The following SESTD1 variants were observed in gnomAD, a reference collection of about 807,000 sequenced individuals.
SESTD1 encodes the protein SEC14 and spectrin domain containing 1, also known as SEC14 domain and spectrin repeat-containing protein 1.
SESTD1 carries 43 observed loss-of-function variants against 101.7 expected under a neutral mutation model. That is an observed-to-expected ratio of 0.42 (90% confidence interval 0.33 to 0.55). The LOEUF (loss-of-function observed/expected upper bound fraction) is 0.55, where lower values mean the gene tolerates loss of function less well. Ranked by LOEUF, SESTD1 falls within the 20% of genes least tolerant of loss-of-function variation. The probability of loss-of-function intolerance (pLI) is 0.07; values close to 1 mark genes in which losing one functional copy is unlikely to be tolerated. For missense variants in SESTD1, 647 were observed against 815.1 expected (o/e 0.79, Z 2.51); for synonymous variants, 283 against 286.8 (o/e 0.99, Z 0.13).
At chr2:179,182,715 T>G (rs999682789) in intron 3 of SESTD1, among the ~76,000 whole-genome samples, 1 of 152,140 alleles carries the variant, frequency 6.6e-6, no homozygotes, top group Non-Finnish European at 1.5e-5. Context: ...CTTAATACAT[T>G]AAAACCTGCA....
intron 1 of SESTD1, 96 bp from the exon 2 acceptor site, chr2:179,191,962 G>A (rs2046325955): frequency 1.2e-6 from 1 of 808,294 alleles, no homozygotes; most frequent in East Asian, 2.6e-5. Flanking sequence ...CTAAACCTGA[G>A]AACTACTGAC....
chr2:179,258,342 T>C (rs1350426357), intron 1 of SESTD1, among the ~76,000 whole-genome samples: 1 of 152,088 alleles, frequency 6.6e-6, no homozygotes, highest in Non-Finnish European at 1.5e-5. Flanking sequence ...TCATGACCTC[T>C]CAAAAGCATT....
intron 5 of SESTD1, among the ~76,000 whole-genome samples, chr2:179,166,055 G>C (rs2045828817): frequency 6.6e-6 from 1 of 152,110 alleles, no homozygotes; most frequent in African/African-American, 2.4e-5. Context: ...GCTTACCTGG[G>C]AAAAATGCCA....
intron 5 of SESTD1, among the ~76,000 whole-genome samples, chr2:179,152,345 CCA>C (rs2045547212): frequency 6.6e-6 from 1 of 152,118 alleles, no homozygotes; most frequent in African/African-American, 2.4e-5. Flanking sequence ...AAAGGGGCTA[CCA>C]CAGAGCGCAT....
chr2:179,250,521 G>A (rs1428471759), intron 1 of SESTD1, among the ~76,000 whole-genome samples: 2 of 152,134 alleles, frequency 1.3e-5, no homozygotes, highest in African/African-American at 2.4e-5. Flanking sequence ...CAGCAGGTTT[G>A]GTTTCTTCTG....
chr2:179,262,106 G>C (rs1438848515), intron 1 of SESTD1, among the ~76,000 whole-genome samples: 1 of 152,126 alleles, frequency 6.6e-6, no homozygotes, highest in Admixed American at 6.5e-5. Flanking sequence ...TTAAGTGAAA[G>C]ACACTAAAGG....
chr2:179,143,332 C>T (rs2045322181), intron 9 of SESTD1, among the ~76,000 whole-genome samples: 1 of 152,154 alleles, frequency 6.6e-6, no homozygotes, highest in East Asian at 1.9e-4. Flanking sequence ...ACTGAGACCA[C>T]TGATGACGTT....
At position 179,109,123 on chromosome 2, in the gene SESTD1, T is replaced by C. The variant is rs1305210928; in HGVS notation, c.*776A>G. 3 of 152,550 alleles carry C rather than the reference T, an allele frequency of 2.0e-5. No homozygotes were observed. The highest frequency in any genetic ancestry group is 2.9e-5 in the Non-Finnish European group (2 of 68,002). 9.4% of individuals were successfully genotyped at this position (152,550 alleles called of 1,614,324 possible). ...TCTTAAAGATCTAAATTGTTCACAA[T>C]AATTTTTCATGATAAAACATGCTTA... On this transcript the variant is annotated 3_prime_UTR_variant, in exon 18 of 18. Coordinates refer to ENST00000428443, the MANE Select transcript of SESTD1 (RefSeq NM_178123.5).
At chr2:179,156,266 G>A (rs2045629631) in intron 5 of SESTD1, among the ~76,000 whole-genome samples, 1 of 152,090 alleles carries the variant, frequency 6.6e-6, no homozygotes, top group Non-Finnish European at 1.5e-5. Context: ...CTATGATTTT[G>A]CAATTGTGAA....
At chr2:179,134,246 C>G (rs1352850063) in intron 9 of SESTD1, among the ~76,000 whole-genome samples, 1 of 152,098 alleles carries the variant, frequency 6.6e-6, no homozygotes, top group Non-Finnish European at 1.5e-5. Context: ...GTGTTATAGC[C>G]AATTCTCATA....
At position 179,176,531 on chromosome 2, in the gene SESTD1, A is replaced by C; in HGVS notation, c.172T>G (p.Cys58Gly). 6.2e-7 allele frequency: 1 copy of C among 1,612,392 alleles called. No homozygotes were observed. The highest frequency in any genetic ancestry group is 8.5e-7 in the Non-Finnish European group (1 of 1,179,206). Residue 58 changes from cysteine (C) to glycine (G), a missense_variant, in exon 4 of 18, where the codon TGT (cysteine) becomes GGT (glycine). Around this residue, in one of 3 missense-constraint regions of SESTD1, gnomAD observed 168 missense variants for 235.1 expected, o/e 0.71. Coordinates refer to ENST00000428443, the MANE Select transcript of SESTD1 (RefSeq NM_178123.5). ...ATCACGGTAAATCCTCTAGCCTTAC[A>C]CTTCTCACTGAAACAAAATAAAATT... ...DYLLSIPSEK[C>G]KARGFTVIVD...
At chr2:179,182,093 G>A (rs574145760) in intron 3 of SESTD1, among the ~76,000 whole-genome samples, 6 of 151,648 alleles carry the variant, frequency 4.0e-5, no homozygotes, top group African/African-American at 1.2e-4. Context: ...TCTGCAAGGT[G>A]GTTTAAATGG....
chr2:179,206,095 C>T (rs768415987), intron 1 of SESTD1, among the ~76,000 whole-genome samples: 2 of 134,842 alleles, frequency 1.5e-5, no homozygotes, highest in Admixed American at 1.4e-4. Flanking sequence ...AACACCACCA[C>T]CACCTCCACA....
At position 179,230,038 on chromosome 2, in the gene SESTD1, C is replaced by T. The variant is rs144942384; in HGVS notation, c.-26+34461G>A. On this transcript the variant is annotated intron_variant, in intron 1 of 17. Transcript: ENST00000428443. The stretch of plus-strand genomic sequence containing the variant: ...AAAAAATAACGTTAGGACAATTAAG[C>T]TAATGAAAAGCACCCCCAAAAAACC... Among the ~76,000 whole-genome samples the T allele has an allele frequency of 3.4e-3, 496 of 144,702 alleles. 6 individuals are homozygous for T. The highest frequency in any genetic ancestry group is 0.012 in the African/African-American group (471 of 39,982). 94.9% of individuals were successfully genotyped at this position (144,702 alleles called of 152,430 possible).
chr2:179,146,338 T>G (rs1303962841), intron 8 of SESTD1, 64 bp downstream of exon 8: 1 of 1,408,480 alleles, frequency 7.1e-7, no homozygotes, highest in East Asian at 2.3e-5. Flanking sequence ...TCATGTTTAT[T>G]TAATGAACGA....
At chr2:179,177,617 A>T (rs2046033634) in intron 3 of SESTD1, among the ~76,000 whole-genome samples, 1 of 152,190 alleles carries the variant, frequency 6.6e-6, no homozygotes, top group Non-Finnish European at 1.5e-5. Context: ...AGAAATGAGG[A>T]TGATATTGCT....
chr2:179,245,750 AAACAG>A (rs2047220515), intron 1 of SESTD1, among the ~76,000 whole-genome samples: 2 of 152,202 alleles, frequency 1.3e-5, no homozygotes, highest in Middle Eastern at 3.4e-3. Context: ...GACAAAAGAG[AAACAG>A]GGATGAACAG....
Position 179,123,703 on chromosome 2 carries a change from A to C in SESTD1, c.1282+12T>G. On this transcript the variant is annotated intron_variant, in intron 12 of 17. Coordinates refer to ENST00000428443, the MANE Select transcript of SESTD1 (RefSeq NM_178123.5). ...AAAACCTTATGTTTCAGCATTTTTA[A>C]AATCTGCTTACCAACACTTTTCAGC... 6.3e-7 allele frequency: 1 copy of C among 1,584,186 alleles called. No homozygotes were observed. Among genetic ancestry groups the C allele is most frequent in the Non-Finnish European group, 8.6e-7 (1 of 1,162,664 alleles).
intron 11 of SESTD1, 31 bp from the exon 12 acceptor site, chr2:179,123,860 C>G (rs769015940): frequency 1.4e-5 from 21 of 1,486,978 alleles, no homozygotes; most frequent in Non-Finnish European, 1.8e-5. Context: ...AGAGATAACC[C>G]TGATGTAATC....
Sources: gnomAD v4.1 joint callset for allele counts (sites outside exome capture counted in the v4.1 genomes callset) on GRCh38, gnomAD v4.1.1 for gene constraint, gnomAD v4.1.1 regional missense constraint, MANE v1.5 for transcripts, NCBI Gene and HGNC (gene_info 2026-07-23, HGNC 2026-07-21) for gene names.